HAS3: variants seen among roughly 807,000 people sequenced by gnomAD.
HAS3 encodes hyaluronan synthase 3, also known as HA synthase 3.
HAS3 carries 27 observed loss-of-function variants against 50.3 expected under a neutral mutation model. The observed-to-expected ratio is 0.54, with a 90% CI of 0.40 to 0.74. The LOEUF (loss-of-function observed/expected upper bound fraction) is 0.74, where lower values mean the gene tolerates loss of function less well. Ranked by LOEUF, HAS3 falls within the 30% of genes least tolerant of loss-of-function variation. The pLI is 0.00. For synonymous variants in HAS3, 339 were observed against 310.9 expected, an observed-to-expected ratio of 1.09 and a Z score of -0.95; for missense variants, 517 against 742.8, an observed-to-expected ratio of 0.70 and a Z score of 3.53.
the HAS3 span, among the ~76,000 whole-genome samples, chr16:69,092,432 G>A: frequency 1.3e-5 from 2 of 151,814 alleles, no homozygotes; most frequent in South Asian, 2.1e-4. Context: ...GTGAAACACC[G>A]TCTCTACTAA....
upstream of HAS3, among the ~76,000 whole-genome samples, chr16:69,104,269 T>TTTTTC: frequency 7.1e-6 from 1 of 141,312 alleles, no homozygotes; most frequent in Non-Finnish European, 1.5e-5. Flanking sequence ...GTTTTTTTTT[T>TTTTTC]TTTTCTTTTC....
At position 69,116,732 on chromosome 16, in the gene HAS3, T is replaced by C. The variant is rs1567583460; in HGVS notation, c.*1466T>C. 3 of 985,308 alleles carry C rather than the reference T, an allele frequency of 3.0e-6. No homozygotes were observed. Among genetic ancestry groups the C allele is most frequent in the Non-Finnish European group, 3.6e-6 (3 of 829,954 alleles). The allele number at this position is 985,308 out of a possible 1,614,324, so 61.0% of individuals were successfully genotyped here. A position where few individuals can be genotyped will look rare whatever the true frequency, so the allele number is the denominator to read the frequency against. Reference sequence around the variant, plus strand: ...CTTTTGGGGAATGAGGGGAAGCCATTTTCCAGTGACTTGCAATCCAGGCTG... The same window carrying C: ...CTTTTGGGGAATGAGGGGAAGCCATCTTCCAGTGACTTGCAATCCAGGCTG... On this transcript the variant is annotated 3_prime_UTR_variant, in exon 4 of 4. Transcript: ENST00000569188.
the HAS3 span, chr16:69,083,678 G>T: frequency 3.0e-5 from 47 of 1,550,032 alleles, no homozygotes; most frequent in Non-Finnish European, 3.8e-5. Flanking sequence ...CTCCAAGGAC[G>T]TGGAGGAGGC....
At chr16:69,091,438 G>C in the HAS3 span, among the ~76,000 whole-genome samples, 1 of 152,138 alleles carries the variant, frequency 6.6e-6, no homozygotes, top group Non-Finnish European at 1.5e-5. Flanking sequence ...TAAAAGGTTG[G>C]AGTGCCAGAT....
the HAS3 span, among the ~76,000 whole-genome samples, chr16:69,100,405 A>G: frequency 5.1e-3 from 770 of 152,270 alleles, 3 homozygotes; most frequent in African/African-American, 0.018. Context: ...AGAGGTTTTC[A>G]TGGTGGTCAG....
At chr16:69,095,241 C>A in the HAS3 span, among the ~76,000 whole-genome samples, 10 of 152,194 alleles carry the variant, frequency 6.6e-5, no homozygotes, top group Admixed American at 2.0e-4. Flanking sequence ...AGCCTCAATC[C>A]CTCAAAGTGC....
the HAS3 span, among the ~76,000 whole-genome samples, chr16:69,090,313 A>G: frequency 6.6e-6 from 1 of 152,172 alleles, no homozygotes; most frequent in Non-Finnish European, 1.5e-5. Context: ...GCCCGCAGGT[A>G]CAATGCCTGG....
At position 69,113,585 on chromosome 16, in the gene HAS3, CTT is replaced by C. The variant is rs768073401; in HGVS notation, c.738+47_738+48del. 3.4e-6 allele frequency: 4 copies of C among 1,167,150 alleles called. No individual in the cohort carries two copies. In the Admixed American group the frequency reaches 5.6e-5, roughly 16 times the overall value. The allele number at this position is 1,167,150 out of a possible 1,614,324, so 72.3% of individuals were successfully genotyped here. ...ATATCTGTGGGGAGGGGTCTGGACTCTTTTTCCTAATCCAATTGGATATGCCT... is the reference window on the plus strand; with the variant it reads ...ATATCTGTGGGGAGGGGTCTGGACTCTTTCCTAATCCAATTGGATATGCCT... On this transcript the variant is annotated intron_variant, in intron 3 of 3. Transcript: ENST00000569188.
chr16:69,113,472 C>T lies in HAS3; in HGVS notation c.668C>T (p.Ala223Val), dbSNP rs1450680665. The T allele has an allele frequency of 3.1e-6, 5 of 1,613,792 alleles. No homozygotes were observed. The South Asian group carries it at 5.5e-5, about 18-fold the overall frequency. ...GACTCTGACACTGTGCTGGATCCAGCCTGCACCATCGAGATGCTTCGAGTC... is the reference window on the plus strand; with the variant it reads ...GACTCTGACACTGTGCTGGATCCAGTCTGCACCATCGAGATGCTTCGAGTC... ...VCDSDTVLDP[A>V]CTIEMLRVLE... The change falls in exon 3 of 4, where the codon GCC (alanine) becomes GTC (valine). Residue 223 changes from alanine (A) to valine (V), a missense_variant. Coordinates refer to ENST00000569188, the MANE Select transcript of HAS3 (RefSeq NM_001199280.2).
At chr16:69,113,579 T>G (rs775675304) in intron 3 of HAS3, 37 bp downstream of exon 3, 1 of 1,240,710 alleles carries the variant, frequency 8.1e-7, no homozygotes, top group Admixed American at 1.8e-5. Context: ...GGGAGGGGTC[T>G]GGACTCTTTT....
At chr16:69,093,141 C>G in the HAS3 span, among the ~76,000 whole-genome samples, 1 of 152,186 alleles carries the variant, frequency 6.6e-6, no homozygotes, top group Non-Finnish European at 1.5e-5. Context: ...TGTTGCTTTC[C>G]CATCCATTTC....
the HAS3 span, among the ~76,000 whole-genome samples, chr16:69,085,482 T>C: frequency 6.6e-6 from 1 of 152,266 alleles, no homozygotes; most frequent in South Asian, 2.1e-4. Flanking sequence ...CCCAGGCTAT[T>C]CTCAACTTCT....
chr16:69,083,575 T>C, the HAS3 span: 1 of 1,606,780 alleles, frequency 6.2e-7, no homozygotes, highest in Non-Finnish European at 8.5e-7. Context: ...CCATGCCCAG[T>C]TGGCCCTAGA....
At chr16:69,089,318 C>T in the HAS3 span, among the ~76,000 whole-genome samples, 3 of 152,210 alleles carry the variant, frequency 2.0e-5, no homozygotes, top group Admixed American at 1.3e-4. Context: ...CTTCTGCAGT[C>T]TTTGCACAGA....
In HAS3 at chr16:69,117,058, G is replaced by C. The variant is rs1351661532; in HGVS notation, c.*1792G>C. ...ACATCACACAGACCTCGAGTTTCTG[G>C]TAAGACTGCTGGTTGACATCAGACC... On this transcript the variant is annotated 3_prime_UTR_variant, in exon 4 of 4. Coordinates refer to ENST00000569188, the MANE Select transcript of HAS3 (RefSeq NM_001199280.2). The C allele has an allele frequency of 2.0e-6, 2 of 985,448 alleles. No individual in the cohort carries two copies. The highest frequency in any genetic ancestry group is 2.4e-6 in the Non-Finnish European group (2 of 829,930). 61.0% of individuals were successfully genotyped at this position (985,448 alleles called of 1,614,324 possible).
upstream of HAS3, among the ~76,000 whole-genome samples, chr16:69,104,099 A>G (rs1455915813): frequency 2.6e-5 from 4 of 151,930 alleles, no homozygotes; most frequent in African/African-American, 9.7e-5. Context: ...GAGTCCAGGA[A>G]TTTGTTTTTG....
Position 69,107,470 on chromosome 16 carries a change from G to T in HAS3, c.-1+1683G>T, listed in dbSNP as rs986094829. The T allele has an allele frequency of 8.1e-6, 8 of 985,564 alleles. No individual in the cohort carries two copies. The highest frequency in any genetic ancestry group is 1.7e-5 in the African/African-American group (1 of 57,260). The allele number at this position is 985,564 out of a possible 1,614,324, so 61.1% of individuals were successfully genotyped here. A position where few individuals can be genotyped will look rare whatever the true frequency, so the allele number is the denominator to read the frequency against. The stretch of plus-strand genomic sequence containing the variant: ...TCCTTCCCGGTTGGGTCGTGGGAAA[G>T]CGGCACGTGGGTGTGGCCGGCGCCG... On this transcript the variant is annotated intron_variant, in intron 1 of 3. Transcript: ENST00000569188. This position sits in a 1 kb window ranked among gnomAD's most constrained non-coding sequence, Gnocchi z 5.5.
Position 69,110,016 on chromosome 16 carries a change from G to A in HAS3, c.621G>A (p.Ser207=), listed in dbSNP as rs766759913. 47 of 1,606,634 alleles carry A rather than the reference G, an allele frequency of 2.9e-5. No individual in the cohort carries two copies. The East Asian group carries it at 4.5e-4, about 15-fold the overall frequency. The part of the protein sequence containing the change: ...MYTAFKALGD[S]VDYIQVCDSD... ...CGGCCTTCAAGGCCCTCGGCGATTC[G>A]GTGGACTACATCCAGGTAAGGGCGC... The change falls in exon 2 of 4, where the codon TCG becomes TCA. Residue 207 remains serine (S), a synonymous_variant. Transcript: ENST00000569188.
intron 2 of HAS3, among the ~76,000 whole-genome samples, chr16:69,111,675 G>A (rs1170436549): frequency 6.6e-6 from 1 of 152,174 alleles, no homozygotes; most frequent in African/African-American, 2.4e-5. Context: ...CTAGGCCCAG[G>A]ACCTCCTCAG....
Sources: gnomAD v4.1 joint callset for allele counts (sites outside exome capture counted in the v4.1 genomes callset) on GRCh38, gnomAD v4.1.1 for gene constraint, Gnocchi (gnomAD v3.1) non-coding constraint, MANE v1.5 for transcripts, NCBI Gene and HGNC (gene_info 2026-07-23, HGNC 2026-07-21) for gene names.